LRP1B: variants seen among roughly 807,000 people sequenced by gnomAD.
LRP1B encodes LDL receptor related protein 1B.
In LRP1B, 217 loss-of-function variants were observed where a neutral mutation model predicts 556.6. The ratio of observed to expected loss-of-function variants is 0.39; its 90% CI spans 0.35 to 0.44. LRP1B has a LOEUF of 0.44. LRP1B is among the 20% of genes least tolerant of loss of function. The pLI is 1.00. For synonymous variants in LRP1B, 2,047 were observed against 1,865.8 expected (o/e 1.10, Z -2.50); for missense variants, 5,053 against 5,620.8 (o/e 0.90, Z 3.23).
At chr2:142,115,172 A>G (rs1707141224) in intron 1 of LRP1B, among the ~76,000 whole-genome samples, 1 of 151,938 alleles carries the variant, frequency 6.6e-6, no homozygotes, top group Non-Finnish European at 1.5e-5. Context: ...GAGTGCATTC[A>G]GTTAGAAGTC....
At position 140,325,897 on chromosome 2, in the gene LRP1B, C is replaced by T; in HGVS notation, c.12224-19G>A. ...GCCAAACCTGCAAAATCAACACACA[C>T]AAGACAAATAGTGCAAGTAAATTTG... On this transcript the variant is annotated intron_variant, in intron 79 of 90. Transcript: ENST00000389484. 9 of 1,423,778 alleles carry T rather than the reference C, an allele frequency of 6.3e-6. No individual in the cohort carries two copies. The highest frequency in any genetic ancestry group is 1.4e-5 in the African/African-American group (1 of 71,362). 88.2% of individuals were successfully genotyped at this position (1,423,778 alleles called of 1,614,324 possible). A position where few individuals can be genotyped will look rare whatever the true frequency, so the allele number is the denominator to read the frequency against.
At chr2:141,286,703 T>C in intron 3 of LRP1B, 1 of 447,082 alleles carries the variant, frequency 2.2e-6, no homozygotes, top group Non-Finnish European at 4.5e-6. Flanking sequence ...CATCTGGAGT[T>C]AGTTTTGCTA....
At chr2:140,794,169 A>C (rs959407237) in intron 32 of LRP1B, among the ~76,000 whole-genome samples, 1 of 152,128 alleles carries the variant, frequency 6.6e-6, no homozygotes, top group Non-Finnish European at 1.5e-5. Context: ...ACGATTTAAA[A>C]ATTGTTTTAA....
intron 11 of LRP1B, among the ~76,000 whole-genome samples, chr2:141,029,087 C>A (rs1452272193): frequency 6.6e-6 from 1 of 152,072 alleles, no homozygotes; most frequent in African/African-American, 2.4e-5. Flanking sequence ...ACGTTCCAGA[C>A]ACAGAAACAT....
chr2:141,325,568 G>A (rs1039684939), intron 3 of LRP1B, among the ~76,000 whole-genome samples: 6 of 151,992 alleles, frequency 3.9e-5, no homozygotes, highest in African/African-American at 1.4e-4. Context: ...TAGGTTGATT[G>A]TCCTTAGCTG....
intron 3 of LRP1B, among the ~76,000 whole-genome samples, chr2:141,421,674 T>C (rs1680150141): frequency 6.6e-6 from 1 of 152,214 alleles, no homozygotes; most frequent in Non-Finnish European, 1.5e-5. Context: ...TTAGAATCTT[T>C]CAAACTTTAT....
intron 2 of LRP1B, among the ~76,000 whole-genome samples, chr2:141,541,051 T>TA (rs1685241012): frequency 1.3e-5 from 2 of 152,038 alleles, no homozygotes; most frequent in East Asian, 3.9e-4. Context: ...TCATTCAAGT[T>TA]AAAATCTTCC....
intron 84 of LRP1B, among the ~76,000 whole-genome samples, chr2:140,288,486 A>C (rs1683249829): frequency 6.6e-6 from 1 of 151,866 alleles, no homozygotes; most frequent in Non-Finnish European, 1.5e-5. Flanking sequence ...TTACTCTTAA[A>C]TTTACATTTG....
intron 3 of LRP1B, among the ~76,000 whole-genome samples, chr2:141,475,903 C>T (rs1343747150): frequency 2.0e-5 from 3 of 152,162 alleles, no homozygotes; most frequent in East Asian, 3.9e-4. Flanking sequence ...CATTTACCAT[C>T]CTTCAATTTC....
At chr2:140,922,288 ACACACACACGCACACACG>A (rs756465677) in intron 21 of LRP1B, among the ~76,000 whole-genome samples, 13 of 150,686 alleles carry the variant, frequency 8.6e-5, no homozygotes, top group Non-Finnish European at 1.9e-4. Flanking sequence ...GTATACACAC[ACACACACACGCACACACG>A]CACACACACG....
At chr2:141,379,782 A>G (rs1056512488) in intron 3 of LRP1B, among the ~76,000 whole-genome samples, 1 of 152,148 alleles carries the variant, frequency 6.6e-6, no homozygotes, top group Non-Finnish European at 1.5e-5. Context: ...AGTTTTAAAC[A>G]GGCACATGAG....
intron 1 of LRP1B, among the ~76,000 whole-genome samples, chr2:141,834,480 G>A (rs1318069639): frequency 6.6e-6 from 1 of 151,886 alleles, no homozygotes; most frequent in Non-Finnish European, 1.5e-5. Flanking sequence ...AAATGAAGCT[G>A]TTTCTGGTGC....
intron 1 of LRP1B, among the ~76,000 whole-genome samples, chr2:141,831,423 T>G (rs1157970540): frequency 6.6e-6 from 1 of 151,676 alleles, no homozygotes; most frequent in Non-Finnish European, 1.5e-5. Context: ...GATCTGACTT[T>G]GTGTTTTTCA....
At chr2:140,650,347 T>G (rs1684637203) in intron 41 of LRP1B, among the ~76,000 whole-genome samples, 1 of 141,558 alleles carries the variant, frequency 7.1e-6, no homozygotes, top group South Asian at 2.2e-4. Flanking sequence ...ATTTATTTAT[T>G]TATTTATTTA....
intron 2 of LRP1B, among the ~76,000 whole-genome samples, chr2:141,552,449 T>A (rs1275470261): frequency 1.3e-5 from 2 of 151,994 alleles, no homozygotes; most frequent in Non-Finnish European, 2.9e-5. Flanking sequence ...ACTCCAAATT[T>A]CATTTTAAGT....
At chr2:141,180,664 C>T (rs1274225600) in intron 7 of LRP1B, among the ~76,000 whole-genome samples, 3 of 151,806 alleles carry the variant, frequency 2.0e-5, no homozygotes, top group Non-Finnish European at 4.4e-5. Flanking sequence ...GCTCCCACCC[C>T]AGCCTCTTAT....
intron 2 of LRP1B, among the ~76,000 whole-genome samples, chr2:141,728,964 G>A (rs1693157337): frequency 6.6e-6 from 1 of 152,074 alleles, no homozygotes; most frequent in African/African-American, 2.4e-5. Context: ...GGAGTGCTGT[G>A]TCTGCCAACA....
intron 5 of LRP1B, among the ~76,000 whole-genome samples, chr2:141,246,030 A>T (rs1684056028): frequency 6.6e-6 from 1 of 152,214 alleles, no homozygotes; most frequent in Non-Finnish European, 1.5e-5. Context: ...TGCTTATATT[A>T]TTCTGGAGAA....
intron 32 of LRP1B, among the ~76,000 whole-genome samples, chr2:140,802,051 C>T (rs1173056620): frequency 1.3e-5 from 2 of 152,080 alleles, no homozygotes; most frequent in East Asian, 3.9e-4. Context: ...GAGCTTAAGG[C>T]AAACACTTGG....
Sources: gnomAD v4.1 joint callset for allele counts (sites outside exome capture counted in the v4.1 genomes callset) on GRCh38, gnomAD v4.1.1 for gene constraint, MANE v1.5 for transcripts, NCBI Gene and HGNC (gene_info 2026-07-23, HGNC 2026-07-21) for gene names.